ATOH8: variants seen among roughly 807,000 people sequenced by gnomAD.
ATOH8 encodes atonal bHLH transcription factor 8.
ATOH8 carries 9 observed loss-of-function variants against 21.2 expected under a neutral mutation model. The observed-to-expected ratio is 0.42, with a 90% confidence interval of 0.26 to 0.74. ATOH8 has a LOEUF of 0.74. Among genes scored for constraint, ATOH8 ranks in the 30% least tolerant of loss-of-function variants. The pLI, the probability that ATOH8 is intolerant of heterozygous loss-of-function variation, is 0.24. For synonymous variants in ATOH8, 253 were observed against 224.0 expected (o/e 1.13, Z -1.16); for missense variants, 524 against 470.9 (o/e 1.11, Z -1.04).
intron 2 of ATOH8, among the ~76,000 whole-genome samples, chr2:85,777,407 C>T (rs371816647): frequency 2.6e-4 from 39 of 152,044 alleles, no homozygotes; most frequent in Middle Eastern, 3.4e-3. Context: ...GTGGCCTCAT[C>T]GAATAAGAAG....
chr2:85,756,818 G>T (rs890470477), intron 1 of ATOH8, among the ~76,000 whole-genome samples: 2 of 152,126 alleles, frequency 1.3e-5, no homozygotes. Context: ...ATCTGTATCA[G>T]CGTCATGTGC....
chr2:85,775,183 G>A, intron 2 of ATOH8: 1 of 974,312 alleles, frequency 1.0e-6, no homozygotes, highest in Non-Finnish European at 1.2e-6. Context: ...GTTACACAGT[G>A]TTGGATTAAA....
chr2:85,774,231 C>T (rs1240510367), intron 2 of ATOH8: 21 of 985,564 alleles, frequency 2.1e-5, no homozygotes, highest in South Asian at 9.4e-5. Context: ...TATGGCATGG[C>T]GTCAGCCTAG....
chr2:85,760,507 C>T (rs1252055566), intron 1 of ATOH8, among the ~76,000 whole-genome samples: 1 of 152,194 alleles, frequency 6.6e-6, no homozygotes, highest in South Asian at 2.1e-4. Context: ...GATCCCCAAG[C>T]AGTTCATGCT....
chr2:85,762,840 C>T (rs1329015610), intron 1 of ATOH8, among the ~76,000 whole-genome samples: 1 of 152,062 alleles, frequency 6.6e-6, no homozygotes. Flanking sequence ...TAGCTACGTG[C>T]CCACCTCCGT....
chr2:85,774,110 T>G, intron 2 of ATOH8: 1 of 985,496 alleles, frequency 1.0e-6, no homozygotes, highest in Non-Finnish European at 1.2e-6. Flanking sequence ...AATATTGTTT[T>G]GCAAAATCTG....
At position 85,771,941 on chromosome 2, in the gene ATOH8, C is replaced by T. The variant is rs1056352766; in HGVS notation, c.960+7759C>T. On this transcript the variant is annotated intron_variant, in intron 2 of 2. Coordinates refer to ENST00000306279, the MANE Select transcript of ATOH8 (RefSeq NM_032827.7). The stretch of plus-strand genomic sequence containing the variant: ...GAAGTGGCAGAGCTCAGTTTCCAAC[C>T]TGTTTTATCTCTTTGGTTCTGAGTT... Among the ~76,000 whole-genome samples, 4 of 152,234 alleles carry T rather than the reference C, an allele frequency of 2.6e-5. No individual in the cohort carries two copies. In the East Asian group the frequency reaches 7.7e-4, roughly 29 times the overall value.
At chr2:85,780,022 C>T (rs1050399838) in intron 2 of ATOH8, among the ~76,000 whole-genome samples, 1 of 152,142 alleles carries the variant, frequency 6.6e-6, no homozygotes, top group Non-Finnish European at 1.5e-5. Context: ...TTCGGGAGTT[C>T]AGAGGAGGCA....
chr2:85,777,583 A>G (rs141142647), intron 2 of ATOH8, among the ~76,000 whole-genome samples: 1 of 152,344 alleles, frequency 6.6e-6, no homozygotes, highest in East Asian at 1.9e-4. Context: ...AAGCTAAAGT[A>G]CATCCAGTAA....
chr2:85,765,850 C>T (rs1316469711), intron 2 of ATOH8, among the ~76,000 whole-genome samples: 6 of 152,250 alleles, frequency 3.9e-5, no homozygotes, highest in South Asian at 2.1e-4. Flanking sequence ...TGGAGAGGCC[C>T]GACAGAGCCG....
At chr2:85,758,657 CGCAGGTGGGGAGGT>C (rs1679782480) in intron 1 of ATOH8, among the ~76,000 whole-genome samples, 1 of 152,288 alleles carries the variant, frequency 6.6e-6, no homozygotes, top group South Asian at 2.1e-4. Flanking sequence ...GCTGCAGGGC[CGCAGGTGGGGAGGT>C]GCAGGTGGGA....
Position 85,754,495 on chromosome 2 carries a change from C to G in ATOH8, c.306C>G (p.Pro102=), listed in dbSNP as rs1026557608. ...GGGAGCGCGGGGGCTCTCGGGCGCC[C>G]GAGGTCTCCGACGCGCGGAAACGCT... The part of the protein sequence containing the change: ...TAGERGGSRA[P]EVSDARKRCF... Residue 102 remains proline (P), a synonymous_variant, in exon 1 of 3, where the codon CCC becomes CCG. Transcript: ENST00000306279. 1.4e-6 allele frequency: 2 copies of G among 1,434,108 alleles called. No individual in the cohort carries two copies. Among genetic ancestry groups the G allele is most frequent in the Non-Finnish European group, 1.8e-6 (2 of 1,103,632 alleles). The allele number at this position is 1,434,108 out of a possible 1,614,324, so 88.8% of individuals were successfully genotyped here.
In ATOH8 at chr2:85,754,977, C is replaced by A. The variant is rs774386379; in HGVS notation, c.768+20C>A. 6.4e-7 allele frequency: 1 copy of A among 1,573,640 alleles called. No individual in the cohort carries two copies. The highest frequency in any genetic ancestry group is 1.8e-5 in the Admixed American group (1 of 55,430). Reference sequence around the variant, plus strand: ...AAGCAGGTACCCGCTCGCCGCCGCACGCCCTCACTGCGCCGGGGGACGACT... The same window carrying A: ...AAGCAGGTACCCGCTCGCCGCCGCAAGCCCTCACTGCGCCGGGGGACGACT... On this transcript the variant is annotated intron_variant, in intron 1 of 2. Coordinates refer to ENST00000306279, the MANE Select transcript of ATOH8 (RefSeq NM_032827.7).
intron 2 of ATOH8, among the ~76,000 whole-genome samples, chr2:85,765,944 G>A (rs1181525227): frequency 2.0e-5 from 3 of 152,162 alleles, no homozygotes. Context: ...CCATTGTGGA[G>A]TCTGGGACTT....
At chr2:85,758,532 T>G (rs1679779640) in intron 1 of ATOH8, among the ~76,000 whole-genome samples, 1 of 152,230 alleles carries the variant, frequency 6.6e-6, no homozygotes, top group South Asian at 2.1e-4. Context: ...ACAGCTCTGC[T>G]CCTCAGCCTG....
At chr2:85,767,580 T>TTCCCTCCCCTCCCCTCC (rs1680052335) in intron 2 of ATOH8, among the ~76,000 whole-genome samples, 9 of 79,230 alleles carry the variant, frequency 1.1e-4, no homozygotes, top group African/African-American at 4.7e-4. Context: ...CCCTCCCCTC[T>TTCCCTCCCCTCCCCTCC]CCTTCCCTTC....
chr2:85,765,781 G>A (rs1161591911), intron 2 of ATOH8, among the ~76,000 whole-genome samples: 2 of 152,222 alleles, frequency 1.3e-5, no homozygotes, highest in African/African-American at 2.4e-5. Flanking sequence ...AATGGAGCAG[G>A]GTCTTGGGCT....
At position 85,786,989 on chromosome 2, in the gene ATOH8, C is replaced by T; in HGVS notation, c.*99C>T. The T allele has an allele frequency of 6.6e-7, 1 of 1,520,562 alleles. No homozygotes were observed. Among genetic ancestry groups the T allele is most frequent in the Non-Finnish European group, 9.1e-7 (1 of 1,104,550 alleles). 94.2% of individuals were successfully genotyped at this position (1,520,562 alleles called of 1,614,324 possible). A position where few individuals can be genotyped will look rare whatever the true frequency, so the allele number is the denominator to read the frequency against. On this transcript the variant is annotated 3_prime_UTR_variant, in exon 3 of 3. Transcript: ENST00000306279. ...CTGAGTCCAGCCTCGTGGTCTTCTC[C>T]AAGATGCCGCCAGATGCCCAGCCTA...
At chr2:85,760,149 TG>T (rs1174725138) in intron 1 of ATOH8, among the ~76,000 whole-genome samples, 1 of 151,888 alleles carries the variant, frequency 6.6e-6, no homozygotes, top group Non-Finnish European at 1.5e-5. Context: ...TGGAATGTTT[TG>T]GGGGCATATG....
Sources: gnomAD v4.1 joint callset for allele counts (sites outside exome capture counted in the v4.1 genomes callset) on GRCh38, gnomAD v4.1.1 for gene constraint, MANE v1.5 for transcripts, NCBI Gene and HGNC (gene_info 2026-07-23, HGNC 2026-07-21) for gene names.